Variants in ACAD10 observed in about 807,000 individuals in gnomAD.
The protein encoded by ACAD10 is acyl-CoA dehydrogenase family member 10, also known as ACAD-10.
Under a neutral mutation model 116.8 loss-of-function variants are expected in ACAD10, and 112 were observed. The observed-to-expected ratio is 0.96, with a 90% CI of 0.82 to 1.12. The LOEUF is 1.12. Ranked by LOEUF, ACAD10 falls within the 50% of genes most tolerant of loss-of-function variation. The probability of loss-of-function intolerance (pLI) is 0.00; values close to 1 mark genes in which losing one functional copy is unlikely to be tolerated. For synonymous variants in ACAD10, 486 were observed against 510.6 expected (o/e 0.95, Z 0.65); for missense variants, 1,259 against 1,350.2 (o/e 0.93, Z 1.06).
In ACAD10 at chr12:111,715,850, G is replaced by A. The variant is rs747866176; in HGVS notation, c.880G>A (p.Gly294Arg). The A allele has an allele frequency of 1.6e-4, 262 of 1,613,982 alleles. No homozygotes were observed. The highest frequency in any genetic ancestry group is 2.1e-4 in the Non-Finnish European group (248 of 1,180,032). Residue 294 changes from glycine to arginine, a missense_variant, in exon 7 of 21, where the codon GGG becomes AGG. Coordinates refer to ENST00000313698, the MANE Select transcript of ACAD10 (RefSeq NM_025247.6). Reference protein sequence around the residue: ...GPLELLQFDHGQSNPTYYIRL... With the variant: ...GPLELLQFDHRQSNPTYYIRL... The stretch of plus-strand genomic sequence containing the variant: ...ATTGGAACTACTTCAGTTTGATCAC[G>A]GGCAGTCAAATCCAACTTACTACAT...
intron 20 of ACAD10, 148 bp from the exon 21 acceptor site, chr12:111,756,185 T>C: frequency 7.0e-7 from 1 of 1,431,098 alleles, no homozygotes; most frequent in South Asian, 1.5e-5. Context: ...GGAAGCCCTC[T>C]GGAATATTAG....
intron 19 of ACAD10, 46 bp downstream of exon 19, chr12:111,753,961 C>T (rs1219299398): frequency 1.2e-5 from 19 of 1,550,376 alleles, no homozygotes; most frequent in Non-Finnish European, 1.5e-5. Context: ...AGAGATTCTT[C>T]CTCCTCACTC....
Position 111,729,895 on chromosome 12 carries a change from G to A in ACAD10, c.1333G>A (p.Glu445Lys), listed in dbSNP as rs148547215. 1.1e-5 allele frequency: 18 copies of A among 1,614,058 alleles called. No homozygotes were observed. Among genetic ancestry groups the A allele is most frequent in the South Asian group, 3.3e-5 (3 of 91,084 alleles). The change falls in exon 10 of 21, where the codon GAA (glutamate) becomes AAA (lysine). Residue 445 changes from glutamate to lysine, a missense_variant. Coordinates refer to ENST00000313698, the MANE Select transcript of ACAD10 (RefSeq NM_025247.6). ...CATCCCAGCCATGGAGAGGCTGATCGAATGGCTGCCCCTCCATCTTCCCCG... is the reference window on the plus strand; with the variant it reads ...CATCCCAGCCATGGAGAGGCTGATCAAATGGCTGCCCCTCCATCTTCCCCG... ...STIPAMERLI[E>K]WLPLHLPRQQ...
At chr12:111,747,457 C>T in intron 16 of ACAD10, 72 bp downstream of exon 16, 1 of 1,594,462 alleles carries the variant, frequency 6.3e-7, no homozygotes, top group Non-Finnish European at 8.6e-7. Context: ...CTCTCAATGC[C>T]TGGGAGGAGC....
In ACAD10 at chr12:111,735,038, A is replaced by G. The variant is rs181935425; in HGVS notation, c.1540+970A>G. 4.6e-3 allele frequency among the ~76,000 whole-genome samples: 697 copies of G among 152,218 alleles called. 7 individuals are homozygous for G. Among genetic ancestry groups the G allele is most frequent in the African/African-American group, 0.015 (636 of 41,556 alleles). On this transcript the variant is annotated intron_variant, in intron 11 of 20. Transcript: ENST00000313698. ...GGAGATCGAGACCATCCTGGCTAAC[A>G]TGGTGAAACCCCGTCTCTACTAAAA...
intron 18 of ACAD10, 169 bp from the exon 19 acceptor site, chr12:111,753,603 A>G (rs1355673589): frequency 2.3e-6 from 2 of 866,304 alleles, no homozygotes; most frequent in Non-Finnish European, 3.8e-6. Context: ...GACATGGCGC[A>G]TGGCTGCACA....
At chr12:111,688,354 C>T (rs1342542784) in intron 1 of ACAD10, 2 of 152,174 alleles carry the variant, frequency 1.3e-5, no homozygotes, top group Non-Finnish European at 2.9e-5. Context: ...CAATTACTGT[C>T]GTTGCATGGT....
At chr12:111,700,437 GAATT>G (rs1401008504) in intron 2 of ACAD10, among the ~76,000 whole-genome samples, 1 of 152,070 alleles carries the variant, frequency 6.6e-6, no homozygotes, top group African/African-American at 2.4e-5. Context: ...TCTGAAAGTA[GAATT>G]ACTACGTCAA....
At chr12:111,748,583 G>A (rs532874431) in intron 17 of ACAD10, 108 bp downstream of exon 17, 111 of 1,244,508 alleles carry the variant, frequency 8.9e-5, no homozygotes, top group Non-Finnish European at 1.2e-4. Context: ...CACGTCTGAG[G>A]GTATGATGAC....
chr12:111,711,615 C>T (rs918788183), intron 5 of ACAD10, among the ~76,000 whole-genome samples: 3 of 150,240 alleles, frequency 2.0e-5, no homozygotes, highest in Admixed American at 6.7e-5. Flanking sequence ...AGCTCCATCT[C>T]CTGGGTTCGC....
At chr12:111,706,793 T>TTTTTTTTTTTA in intron 4 of ACAD10, among the ~76,000 whole-genome samples, 1 of 144,346 alleles carries the variant, frequency 6.9e-6, no homozygotes, top group African/African-American at 2.6e-5. Context: ...TTTTTTTTTT[T>TTTTTTTTTTTA]GAGACCATCT....
Position 111,692,912 on chromosome 12 carries a change from T to C in ACAD10, c.187+16T>C. On this transcript the variant is annotated intron_variant, in intron 2 of 20. Coordinates refer to ENST00000313698, the MANE Select transcript of ACAD10 (RefSeq NM_025247.6). ...GTCGCTGCAGGTGAGCTATTGATTCTGTTTCACTTTGTGGGACTAGAGTGG... is the reference window on the plus strand; with the variant it reads ...GTCGCTGCAGGTGAGCTATTGATTCCGTTTCACTTTGTGGGACTAGAGTGG... The C allele has an allele frequency of 6.2e-7, 1 of 1,611,916 alleles. No homozygotes were observed. Among genetic ancestry groups the C allele is most frequent in the Non-Finnish European group, 8.5e-7 (1 of 1,178,712 alleles).
chr12:111,749,493 C>T (rs994778927), intron 18 of ACAD10, 148 bp downstream of exon 18: 2 of 1,065,008 alleles, frequency 1.9e-6, no homozygotes, highest in Non-Finnish European at 1.3e-6. Flanking sequence ...TTCCTGTCTG[C>T]TTTGCATCTG....
rs747365185 is a variant in ACAD10 at position 111,709,682 on chromosome 12, A to G, written c.688A>G (p.Lys230Glu). 3 of 1,606,606 alleles carry G rather than the reference A, an allele frequency of 1.9e-6. No homozygotes were observed. The highest frequency in any genetic ancestry group is 2.5e-6 in the Non-Finnish European group (3 of 1,177,836). The change falls in exon 5 of 21, where the codon AAG becomes GAG. Residue 230 changes from lysine (K) to glutamate (E), a missense_variant and splice_region_variant. By Grantham distance (56) the Lys-to-Glu change is moderately conservative. Coordinates refer to ENST00000313698, the MANE Select transcript of ACAD10 (RefSeq NM_025247.6). ...EAARLGIHTI[K>E]VNDPETAVKE... ...TGCCAGACTTGGTATTCACACCATT[A>G]AGGTAATAGTCACTAATTTTTGAAC...
At chr12:111,714,700 T>G (rs1366503711) in intron 6 of ACAD10, among the ~76,000 whole-genome samples, 3 of 151,884 alleles carry the variant, frequency 2.0e-5, no homozygotes, top group Non-Finnish European at 4.4e-5. Flanking sequence ...TTACAAAATT[T>G]TTTAAATTAA....
chr12:111,700,751 T>C (rs543669268), intron 2 of ACAD10, among the ~76,000 whole-genome samples: 23 of 139,440 alleles, frequency 1.6e-4, no homozygotes, highest in African/African-American at 6.3e-4. Flanking sequence ...TCCTCTTCTT[T>C]TTTTTTTTTT....
rs187756537 is a variant in ACAD10 at position 111,688,750 on chromosome 12, C to G, written c.-14+2511C>G. Reference sequence around the variant, plus strand: ...AACCTGGGAGGCGGTTGCAGTGAGCCGAGATCACACCATTGCACTCCAGCC... The same window carrying G: ...AACCTGGGAGGCGGTTGCAGTGAGCGGAGATCACACCATTGCACTCCAGCC... On this transcript the variant is annotated intron_variant, in intron 1 of 20. Transcript: ENST00000313698. Among the ~76,000 whole-genome samples, 87 of 148,168 alleles carry G rather than the reference C, an allele frequency of 5.9e-4. No individual in the cohort carries two copies. The East Asian group carries it at 0.014, about 24-fold the overall frequency.
At chr12:111,716,070 A>G in intron 7 of ACAD10, 108 bp downstream of exon 7, 1 of 1,469,324 alleles carries the variant, frequency 6.8e-7, no homozygotes, top group Non-Finnish European at 9.3e-7. Flanking sequence ...AAGACATTTA[A>G]AACTACAATT....
chr12:111,755,345 A>T (rs1890179735), intron 19 of ACAD10, among the ~76,000 whole-genome samples: 1 of 152,206 alleles, frequency 6.6e-6, no homozygotes, highest in African/African-American at 2.4e-5. Context: ...ACCTCAGGTG[A>T]TCTGCCCGCC....
Sources: gnomAD v4.1 joint callset for allele counts (sites outside exome capture counted in the v4.1 genomes callset) on GRCh38, gnomAD v4.1.1 for gene constraint, MANE v1.5 for transcripts, NCBI Gene and HGNC (gene_info 2026-07-23, HGNC 2026-07-21) for gene names.